The following PHLPP2 variants were observed in gnomAD, a reference collection of about 807,000 sequenced individuals.
PHLPP2 encodes PH domain and leucine rich repeat protein phosphatase 2, also known as PH domain leucine-rich repeat-containing protein phosphatase 2.
A neutral mutation model predicts 124.9 loss-of-function variants in PHLPP2; 66 were observed. That is an observed-to-expected ratio of 0.53 (90% CI 0.43 to 0.65). The LOEUF is 0.65. PHLPP2 is among the 30% of genes least tolerant of loss of function. PHLPP2 has a pLI of 0.00. For missense variants in PHLPP2, 1,685 were observed against 1,600.4 expected (o/e 1.05, Z -0.90); for synonymous variants, 681 against 624.7 (o/e 1.09, Z -1.34).
intron 1 of PHLPP2, among the ~76,000 whole-genome samples, chr16:71,722,275 T>C (rs903216767): frequency 2.4e-4 from 36 of 151,870 alleles, no homozygotes; most frequent in African/African-American, 8.7e-4. Flanking sequence ...CTACTAAAAA[T>C]ACAAAAAAAT....
At chr16:71,711,092 G>T (rs769415973) in intron 2 of PHLPP2, among the ~76,000 whole-genome samples, 1 of 152,298 alleles carries the variant, frequency 6.6e-6, no homozygotes. Flanking sequence ...CACTTTGGGA[G>T]GCCGAGGCGG....
At chr16:71,658,173 A>G in intron 15 of PHLPP2, 60 bp downstream of exon 15, 1 of 1,457,346 alleles carries the variant, frequency 6.9e-7, no homozygotes, top group African/African-American at 1.4e-5. Context: ...ACTAAGGAAG[A>G]CCTACACATG....
chr16:71,701,319 T>G (rs199749761), intron 3 of PHLPP2, among the ~76,000 whole-genome samples: 1 of 14,170 alleles, frequency 7.1e-5, no homozygotes, highest in Non-Finnish European at 1.3e-4. Flanking sequence ...TATCTATATA[T>G]CTATCTACCT....
chr16:71,652,367 A>T (rs1001453504), intron 18 of PHLPP2, among the ~76,000 whole-genome samples: 14 of 152,240 alleles, frequency 9.2e-5, no homozygotes, highest in African/African-American at 3.1e-4. Flanking sequence ...CATTATCAAA[A>T]GAGAACACCA....
chr16:71,682,941 C>A (rs892737857), intron 5 of PHLPP2, among the ~76,000 whole-genome samples: 8 of 152,108 alleles, frequency 5.3e-5, no homozygotes, highest in African/African-American at 1.9e-4. Flanking sequence ...GAGGCCAAGG[C>A]GGGCGGATCA....
At chr16:71,699,701 T>A (rs1266551694) in intron 3 of PHLPP2, among the ~76,000 whole-genome samples, 1 of 152,182 alleles carries the variant, frequency 6.6e-6, no homozygotes, top group East Asian at 1.9e-4. Context: ...GCAGCCGCCC[T>A]ACGCAACAAG....
chr16:71,692,436 C>A (rs1216950113), intron 3 of PHLPP2, among the ~76,000 whole-genome samples: 1 of 152,092 alleles, frequency 6.6e-6, no homozygotes, highest in Non-Finnish European at 1.5e-5. Context: ...GCCTATTTAA[C>A]TTAGGTATCA....
At chr16:71,709,940 TCTC>T (rs1354990217) in intron 2 of PHLPP2, among the ~76,000 whole-genome samples, 29 of 152,220 alleles carry the variant, frequency 1.9e-4, no homozygotes, top group African/African-American at 7.0e-4. Context: ...CTCAAGCGAT[TCTC>T]CTACCTCAGC....
intron 1 of PHLPP2, chr16:71,724,077 C>T (rs1382454899): frequency 6.4e-6 from 1 of 155,918 alleles, no homozygotes; most frequent in African/African-American, 2.4e-5. Context: ...GCATTCCGGC[C>T]GCGGCCCGCG....
intron 8 of PHLPP2, chr16:71,677,450 G>A (rs2044956463): frequency 9.2e-6 from 1 of 108,674 alleles, no homozygotes; most frequent in African/African-American, 3.8e-5. Flanking sequence ...GAAATAATCT[G>A]CACATATATA....
chr16:71,719,394 C>CG (rs1204656641), intron 1 of PHLPP2, among the ~76,000 whole-genome samples: 9 of 151,928 alleles, frequency 5.9e-5, no homozygotes. Context: ...AAGAATTACC[C>CG]GGGGGTGGTG....
chr16:71,705,860 CAAGT>C (rs2045270262), intron 2 of PHLPP2, among the ~76,000 whole-genome samples: 1 of 152,248 alleles, frequency 6.6e-6, no homozygotes, highest in East Asian at 1.9e-4. Context: ...TCTAAGTAAA[CAAGT>C]AATATTTCAA....
At chr16:71,704,690 T>C (rs2045260965) in intron 2 of PHLPP2, among the ~76,000 whole-genome samples, 1 of 151,972 alleles carries the variant, frequency 6.6e-6, no homozygotes, top group African/African-American at 2.4e-5. Context: ...TAAAGAGAAA[T>C]GGGAAATAAA....
intron 13 of PHLPP2, among the ~76,000 whole-genome samples, chr16:71,659,379 G>A (rs2044769614): frequency 6.6e-6 from 1 of 151,342 alleles, no homozygotes; most frequent in Admixed American, 6.6e-5. Flanking sequence ...AGCCTCCCGA[G>A]TAGCTGGGAT....
At position 71,652,869 on chromosome 16, in the gene PHLPP2, G is replaced by T. The variant is rs761264815; in HGVS notation, c.2738C>A (p.Pro913His). Residue 913 changes from proline to histidine, a missense_variant, in exon 18 of 19, where the codon CCC becomes CAC. Pro to His is a moderately conservative substitution (Grantham distance 77). Coordinates refer to ENST00000568954, the MANE Select transcript of PHLPP2 (RefSeq NM_015020.3). ...CTCCAGGCTGAAGACTTTAGAGAGG[G>T]GCACTGGCTTCCCACCTCGGCACAG... is the stretch of plus-strand genomic sequence containing the variant. ...AVLCRGGKPVPLSKVFSLEQD... is the reference protein window; with the variant it reads ...AVLCRGGKPVHLSKVFSLEQD... The T allele has an allele frequency of 2.5e-6, 4 of 1,614,110 alleles. No individual in the cohort carries two copies. In the East Asian group the frequency reaches 6.7e-5, roughly 27 times the overall value.
At chr16:71,690,802 A>G (rs1223495968) in intron 3 of PHLPP2, 93 bp from the exon 4 acceptor site, 1 of 821,868 alleles carries the variant, frequency 1.2e-6, no homozygotes, top group Non-Finnish European at 1.9e-6. Flanking sequence ...ACATTCAACA[A>G]CCTTATTTAT....
intron 18 of PHLPP2, among the ~76,000 whole-genome samples, chr16:71,651,413 C>G (rs1391974251): frequency 6.6e-6 from 1 of 151,112 alleles, no homozygotes; most frequent in Non-Finnish European, 1.5e-5. Flanking sequence ...AAAAAGTTAT[C>G]TGAAGCCAGG....
At chr16:71,662,798 G>C (rs996922466) in intron 13 of PHLPP2, among the ~76,000 whole-genome samples, 4 of 151,640 alleles carry the variant, frequency 2.6e-5, no homozygotes, top group Non-Finnish European at 4.4e-5. Context: ...TGAGGTAGGA[G>C]AATCACTTCA....
intron 1 of PHLPP2, among the ~76,000 whole-genome samples, chr16:71,721,631 T>C (rs753655978): frequency 1.3e-5 from 2 of 149,974 alleles, no homozygotes; most frequent in Non-Finnish European, 2.9e-5. Context: ...TTGGCATTAA[T>C]TGTTTATACA....
Sources: gnomAD v4.1 joint callset for allele counts (sites outside exome capture counted in the v4.1 genomes callset) on GRCh38, gnomAD v4.1.1 for gene constraint, MANE v1.5 for transcripts, NCBI Gene and HGNC (gene_info 2026-07-23, HGNC 2026-07-21) for gene names.